DYM: variants seen among roughly 807,000 people sequenced by gnomAD.
DYM encodes dyggve-Melchior-Clausen syndrome protein.
In DYM, 78 loss-of-function variants were observed where a neutral mutation model predicts 93.1. That is an observed-to-expected ratio of 0.84 (90% CI 0.70 to 1.01). The LOEUF is 1.01. Ranked by LOEUF, DYM falls within the 50% of genes least tolerant of loss-of-function variation. The pLI, the probability that DYM is intolerant of heterozygous loss-of-function variation, is 0.00. For synonymous variants in DYM, 321 were observed against 319.7 expected, an observed-to-expected ratio of 1.00 and a Z score of -0.04; for missense variants, 789 against 845.0, an observed-to-expected ratio of 0.93 and a Z score of 0.82.
rs558700476 is a variant in DYM, at chr18:49,123,666, T to C, written c.1729-4740A>G. On this transcript the variant is annotated intron_variant, in intron 15 of 17. Coordinates refer to ENST00000675505, the MANE Select transcript of DYM (RefSeq NM_001353214.3). ...GAAATAGCTGTCTCATTTTGGGATT[T>C]GGCTATGTGTTTAAAATGTTTTCTT... is the stretch of plus-strand genomic sequence containing the variant. Among the ~76,000 whole-genome samples, 78 of 152,348 alleles carry C rather than the reference T, an allele frequency of 5.1e-4. 1 individual carries two copies. Among genetic ancestry groups the C allele is most frequent in the Admixed American group, 1.0e-3 (16 of 15,298 alleles).
chr18:49,309,472 A>C (rs1568219888), intron 8 of DYM, among the ~76,000 whole-genome samples: 1 of 152,046 alleles, frequency 6.6e-6, no homozygotes, highest in African/African-American at 2.4e-5. Context: ...CAGTCTCTAT[A>C]AATAAATAAA....
chr18:49,441,822 C>T (rs182444549), intron 1 of DYM, among the ~76,000 whole-genome samples: 37 of 152,142 alleles, frequency 2.4e-4, no homozygotes, highest in South Asian at 1.9e-3. Flanking sequence ...GGGCAAGGTG[C>T]AGGACTAAAG....
intron 16 of DYM, among the ~76,000 whole-genome samples, chr18:49,111,125 T>C (rs898245351): frequency 8.5e-5 from 13 of 152,208 alleles, no homozygotes; most frequent in Non-Finnish European, 1.8e-4. Flanking sequence ...ATGTCTTCTA[T>C]AAAGAACCAG....
chr18:49,371,519 CA>C (rs2067043627), intron 5 of DYM, among the ~76,000 whole-genome samples: 3 of 152,150 alleles, frequency 2.0e-5, no homozygotes, highest in South Asian at 2.1e-4. Context: ...CACAAGGAAA[CA>C]AGCCATGAGA....
intron 17 of DYM, chr18:49,048,148 G>A (rs1230677792): frequency 1.3e-5 from 2 of 152,184 alleles, no homozygotes; most frequent in Non-Finnish European, 2.9e-5. Context: ...ACCCTTCTGG[G>A]TGTGAGGTAC....
intron 13 of DYM, among the ~76,000 whole-genome samples, chr18:49,255,952 C>T (rs375065265): frequency 3.3e-5 from 5 of 151,270 alleles, no homozygotes; most frequent in African/African-American, 7.3e-5. Context: ...GGTGTGGTGG[C>T]GGGCACCTGT....
At chr18:49,208,820 A>T (rs1269941457) in intron 14 of DYM, 1 of 152,032 alleles carries the variant, frequency 6.6e-6, no homozygotes, top group Non-Finnish European at 1.5e-5. Flanking sequence ...CTTAGAAAAA[A>T]AAAAACGTGT....
chr18:49,342,664 A>T (rs2064254594), intron 6 of DYM, among the ~76,000 whole-genome samples: 1 of 152,212 alleles, frequency 6.6e-6, no homozygotes, highest in Non-Finnish European at 1.5e-5. Flanking sequence ...GTCAGTCAAC[A>T]ATGGACCACA....
chr18:49,170,392 C>T (rs1006051724), intron 14 of DYM, among the ~76,000 whole-genome samples: 7 of 152,116 alleles, frequency 4.6e-5, no homozygotes, highest in Admixed American at 2.6e-4. Context: ...TAATTTGGTG[C>T]TCAGAAGAGA....
rs1568265491 is a variant in DYM, at chr18:49,331,962, A to C, written c.665T>G (p.Phe222Cys). ...AGGAGGTGGCTTTTCTTGTCTGATA[A>C]AGTTATATAATAAGGTCTTCACAAG... ...SKLVKTLLYN[F>C]IRQEKPPPPG... The change falls in exon 8 of 18, where the codon TTT becomes TGT. Residue 222 changes from phenylalanine to cysteine, a missense_variant. By Grantham distance (205) the Phe-to-Cys change is radical (BLOSUM62 -2). This residue lies in a region of DYM where 450 missense variants were observed against 436.2 expected (regional missense o/e 1.03). Coordinates refer to ENST00000675505, the MANE Select transcript of DYM (RefSeq NM_001353214.3). 1 of 1,613,992 alleles carries C rather than the reference A, an allele frequency of 6.2e-7. No individual in the cohort carries two copies. Among genetic ancestry groups the C allele is most frequent in the Non-Finnish European group, 8.5e-7 (1 of 1,179,976 alleles).
At chr18:49,331,788 G>A in intron 8 of DYM, 76 bp downstream of exon 8, 1 of 1,536,038 alleles carries the variant, frequency 6.5e-7, no homozygotes, top group African/African-American at 1.4e-5. Flanking sequence ...TGGCAGCCAA[G>A]CAAACAGAAT....
chr18:49,165,822 A>G (rs1434297222), intron 14 of DYM, among the ~76,000 whole-genome samples: 1 of 152,184 alleles, frequency 6.6e-6, no homozygotes, highest in Non-Finnish European at 1.5e-5. Flanking sequence ...GAAATACTCC[A>G]GTGAAGTTTC....
chr18:49,044,344 G>T (rs552336309), intron 17 of DYM, 140 bp from the exon 18 acceptor site: 9 of 863,240 alleles, frequency 1.0e-5, no homozygotes, highest in Middle Eastern at 5.5e-4. Flanking sequence ...AAGCTCTGGG[G>T]CTTTAAAATA....
At chr18:49,181,855 TTTG>T (rs1332237607) in intron 14 of DYM, among the ~76,000 whole-genome samples, 1 of 152,116 alleles carries the variant, frequency 6.6e-6, no homozygotes, top group African/African-American at 2.4e-5. Flanking sequence ...TTGGGCTTAA[TTTG>T]TTGTTCTTTT....
At chr18:49,333,905 A>G (rs763230616) in intron 6 of DYM, 52 bp from the exon 7 acceptor site, 1 of 1,542,352 alleles carries the variant, frequency 6.5e-7, no homozygotes, top group Non-Finnish European at 8.9e-7. Flanking sequence ...TTAAGACACT[A>G]TTCTTTTCTA....
intron 15 of DYM, among the ~76,000 whole-genome samples, chr18:49,136,973 A>C (rs746297633): frequency 1.3e-5 from 2 of 152,218 alleles, no homozygotes; most frequent in Non-Finnish European, 2.9e-5. Context: ...GAAAACATTG[A>C]GTACTCATAC....
At chr18:49,117,047 T>C (rs2145950001) in intron 16 of DYM, among the ~76,000 whole-genome samples, 1 of 152,352 alleles carries the variant, frequency 6.6e-6, no homozygotes, top group Non-Finnish European at 1.5e-5. Context: ...TCCTGGTTCA[T>C]AAAGATTTCC....
At chr18:49,319,138 A>G (rs1381097154) in intron 8 of DYM, among the ~76,000 whole-genome samples, 1 of 152,182 alleles carries the variant, frequency 6.6e-6, no homozygotes, top group Non-Finnish European at 1.5e-5. Context: ...TTTTAGAAAC[A>G]TTGTTGCAAA....
At chr18:49,233,987 G>T (rs2093784773) in intron 13 of DYM, among the ~76,000 whole-genome samples, 1 of 152,040 alleles carries the variant, frequency 6.6e-6, no homozygotes, top group Non-Finnish European at 1.5e-5. Flanking sequence ...AAATTAGCCG[G>T]GCATGGTAGC....
Sources: gnomAD v4.1 joint callset for allele counts (sites outside exome capture counted in the v4.1 genomes callset) on GRCh38, gnomAD v4.1.1 for gene constraint, gnomAD v4.1.1 regional missense constraint, MANE v1.5 for transcripts, NCBI Gene and HGNC (gene_info 2026-07-23, HGNC 2026-07-21) for gene names.